The following ERI2 variants were observed in gnomAD, a reference collection of about 807,000 sequenced individuals.
The protein encoded by ERI2 is ERI1 exoribonuclease 2.
ERI2 carries 35 observed loss-of-function variants against 46.8 expected under a neutral mutation model. The observed-to-expected ratio is 0.75, with a 90% CI of 0.57 to 0.99. The LOEUF (loss-of-function observed/expected upper bound fraction) is 0.99, where lower values mean the gene tolerates loss of function less well. Ranked by LOEUF, ERI2 falls within the 50% of genes least tolerant of loss-of-function variation. ERI2 has a pLI of 0.00. For synonymous variants in ERI2, 224 were observed against 271.0 expected, an observed-to-expected ratio of 0.83 and a Z score of 1.70; for missense variants, 695 against 796.2, an observed-to-expected ratio of 0.87 and a Z score of 1.53.
chr16:20,802,308 C>T (rs112886983), intron 4 of ERI2, among the ~76,000 whole-genome samples: 1 of 152,010 alleles, frequency 6.6e-6, no homozygotes, highest in African/African-American at 2.4e-5. Flanking sequence ...CTTACTCCAG[C>T]CTGGCCAACA....
At chr16:20,794,799 T>C (rs2080684839), downstream of ERI2, among the ~76,000 whole-genome samples, 1 of 152,214 alleles carries the variant, frequency 6.6e-6, no homozygotes, top group South Asian at 2.1e-4. Context: ...ACCTAACTTG[T>C]CCAACATTAC....
rs990120532 is a variant in ERI2 at position 20,802,870 on chromosome 16, A to G, written c.229T>C (p.Phe77Leu). 9 of 1,611,472 alleles carry G rather than the reference A, an allele frequency of 5.6e-6. No individual in the cohort carries two copies. The highest frequency in any genetic ancestry group is 7.6e-6 in the Non-Finnish European group (9 of 1,178,128). ...NTSTGQIDSE[F>L]QAYVQPQEHP... ...TCCTGAGGTTGAACATAAGCCTGGAACTCAGAGTCAATCTGTCCAGTTGAT... is the reference window on the plus strand; with the variant it reads ...TCCTGAGGTTGAACATAAGCCTGGAGCTCAGAGTCAATCTGTCCAGTTGAT... Residue 77 changes from phenylalanine (F) to leucine (L), a missense_variant, in exon 4 of 9, where the codon TTC (phenylalanine) becomes CTC (leucine). By Grantham distance (22) the Phe-to-Leu change is conservative (BLOSUM62 0). Coordinates refer to ENST00000357967, the MANE Select transcript of ERI2 (RefSeq NM_001142725.2).
chr16:20,788,274 T>C lies in ERI2; in HGVS notation c.894+1205A>G, dbSNP rs1410267115. On this transcript the variant is annotated intron_variant, in intron 10 of 10. Coordinates refer to the ERI2 transcript ENST00000300005. ...CATGTCTGCATTACAGGGAAGTTGA[T>C]ATGTAACACAGCTATGTTCTTTTTC... is the stretch of plus-strand genomic sequence containing the variant. 1.2e-4 allele frequency among the ~76,000 whole-genome samples: 18 copies of C among 152,014 alleles called. No homozygotes were observed. The South Asian group carries it at 3.7e-3, about 31-fold the overall frequency.
rs776623019 is a variant in ERI2 at position 20,803,551 on chromosome 16, GT to G, written c.92-36del. 25 of 1,613,808 alleles carry G rather than the reference GT, an allele frequency of 1.5e-5. No individual in the cohort carries two copies. In the Admixed American group the frequency reaches 4.2e-4, roughly 27 times the overall value. ...ATCAAGTTGTTCTTATGCTTTACCAGTGCTGAAAATGCAAGGCTACAAAATG... is the reference window on the plus strand; with the variant it reads ...ATCAAGTTGTTCTTATGCTTTACCAGGCTGAAAATGCAAGGCTACAAAATG... On this transcript the variant is annotated intron_variant, in intron 2 of 8. Transcript: ENST00000357967.
downstream of ERI2, among the ~76,000 whole-genome samples, chr16:20,794,905 G>A (rs2152491563): frequency 6.6e-6 from 1 of 152,286 alleles, no homozygotes; most frequent in Non-Finnish European, 1.5e-5. Context: ...ATTTTCTGCA[G>A]TAGTTTAAAA....
At chr16:20,799,884 A>G (rs1050213028) in intron 7 of ERI2, 73 bp downstream of exon 7, 5 of 892,766 alleles carry the variant, frequency 5.6e-6, no homozygotes, top group Non-Finnish European at 9.1e-6. Context: ...TAATGACATT[A>G]CCAAAAAATG....
At chr16:20,788,480 CT>C (rs1268609876) in intron 10 of ERI2, among the ~76,000 whole-genome samples, 4 of 152,140 alleles carry the variant, frequency 2.6e-5, no homozygotes, top group Non-Finnish European at 4.4e-5. Context: ...GAAAACAGTA[CT>C]TTTTCTGCAT....
intron 10 of ERI2, chr16:20,783,548 G>T (rs2080399404): frequency 6.6e-6 from 1 of 152,038 alleles, no homozygotes; most frequent in Non-Finnish European, 1.5e-5. Flanking sequence ...TCAGATTAAG[G>T]ATACTCAACA....
chr16:20,797,049 A>C lies in ERI2; in HGVS notation c.*675T>G. On this transcript the variant is annotated 3_prime_UTR_variant, in exon 9 of 9. Transcript: ENST00000357967. ...CTCTAGAAACCACAAGATGATGGAG[A>C]GGTCATAAAAACTGTGGTAGTATGC... 1.3e-6 allele frequency: 2 copies of C among 1,541,068 alleles called. No individual in the cohort carries two copies. Among genetic ancestry groups the C allele is most frequent in the Non-Finnish European group, 1.7e-6 (2 of 1,150,024 alleles).
rs1006512649 is a variant in ERI2 at position 20,798,179 on chromosome 16, C to T, written c.1621G>A (p.Ala541Thr). 5 of 1,551,472 alleles carry T rather than the reference C, an allele frequency of 3.2e-6. No individual in the cohort carries two copies. The African/African-American group carries it at 4.1e-5, about 13-fold the overall frequency. ...GTKRNPCSPQ[A>T]FPPAKKQPFT... ...GGTTGTTTTTTTGCTGGTGGGAAAGCTTGGGGACTGCATGGATTCCTTTTG... is the reference window on the plus strand; with the variant it reads ...GGTTGTTTTTTTGCTGGTGGGAAAGTTTGGGGACTGCATGGATTCCTTTTG... The change falls in exon 9 of 9, where the codon GCT becomes ACT. Residue 541 changes from alanine to threonine, a missense_variant. Transcript: ENST00000357967.
chr16:20,796,539 C>T lies in ERI2; in HGVS notation c.*1185G>A, dbSNP rs748855514. ...ATTTGCTCAGTGTTGTGGACAATTT[C>T]AAGTGTTTATTTTTACATTTTAATG... On this transcript the variant is annotated 3_prime_UTR_variant, in exon 9 of 9. Coordinates refer to ENST00000357967, the MANE Select transcript of ERI2 (RefSeq NM_001142725.2). 5 of 1,596,526 alleles carry T rather than the reference C, an allele frequency of 3.1e-6. No homozygotes were observed. In the South Asian group the frequency reaches 5.7e-5, roughly 18 times the overall value.
In ERI2 at chr16:20,796,351, T is replaced by G. The variant is rs1344354226; in HGVS notation, c.*1373A>C. ...AAATGCATAACTCATTTTCCTGGTGTTTCAAATATTTATTTTAGGTAGTAA... is the reference window on the plus strand; with the variant it reads ...AAATGCATAACTCATTTTCCTGGTGGTTCAAATATTTATTTTAGGTAGTAA... On this transcript the variant is annotated 3_prime_UTR_variant, in exon 9 of 9. Coordinates refer to ENST00000357967, the MANE Select transcript of ERI2 (RefSeq NM_001142725.2). The G allele has an allele frequency of 6.2e-7, 1 of 1,601,536 alleles. No homozygotes were observed. The highest frequency in any genetic ancestry group is 1.8e-5 in the Admixed American group (1 of 55,672).
chr16:20,786,467 GC>G (rs903932329), intron 10 of ERI2, among the ~76,000 whole-genome samples: 4 of 152,208 alleles, frequency 2.6e-5, no homozygotes, highest in African/African-American at 9.7e-5. Context: ...CATCACTTGA[GC>G]CCAGGAGTTC....
chr16:20,796,025 C>A (rs2080715583), downstream of ERI2: 1 of 175,912 alleles, frequency 5.7e-6, no homozygotes, highest in Admixed American at 6.2e-5. Flanking sequence ...AAAAAAATAG[C>A]TGCTGGAATC....
intron 10 of ERI2, among the ~76,000 whole-genome samples, chr16:20,784,790 T>C (rs2080433864): frequency 6.6e-6 from 1 of 152,206 alleles, no homozygotes; most frequent in Non-Finnish European, 1.5e-5. Context: ...ATCTTTTTAA[T>C]ATCTTTATTT....
At chr16:20,785,869 T>C (rs234282) in intron 10 of ERI2, among the ~76,000 whole-genome samples, 2 of 152,204 alleles carry the variant, frequency 1.3e-5, no homozygotes, top group Non-Finnish European at 2.9e-5. Context: ...TTGATAAATA[T>C]GGATATATGA....
chr16:20,802,662 A>G (rs1417391472), intron 4 of ERI2, 134 bp downstream of exon 4: 4 of 1,068,694 alleles, frequency 3.7e-6, no homozygotes, highest in Non-Finnish European at 5.0e-6. Flanking sequence ...ATTCTCGAAC[A>G]TCAGCCTGCA....
chr16:20,785,037 C>G lies in ERI2; in HGVS notation c.895-4303G>C, dbSNP rs548962433. On this transcript the variant is annotated intron_variant, in intron 10 of 10. Coordinates refer to the ERI2 transcript ENST00000300005. ...GTGAGTGCTGGGGAACCAATTACCC[C>G]TGACGTGACTGAAAAATGGAGAAAC... The G allele has an allele frequency of 6.2e-6, 10 of 1,613,708 alleles. No individual in the cohort carries two copies. The highest frequency in any genetic ancestry group is 4.0e-5 in the African/African-American group (3 of 74,990).
chr16:20,785,019 C>T (rs1443432343), intron 10 of ERI2: 2 of 1,613,714 alleles, frequency 1.2e-6, no homozygotes, highest in Admixed American at 3.3e-5. Context: ...TGTGTGAGTG[C>T]TGGGGAACCA....
Sources: allele counts gnomAD v4.1 joint callset (sites outside exome capture counted in the v4.1 genomes callset), GRCh38; gene constraint gnomAD v4.1.1; transcripts MANE v1.5; gene names NCBI Gene and HGNC (gene_info 2026-07-23, HGNC 2026-07-21).